Variants in CACNA2D3 observed in about 807,000 individuals in gnomAD.
CACNA2D3 encodes the protein calcium voltage-gated channel auxiliary subunit alpha2delta 3.
In CACNA2D3, 60 loss-of-function variants were observed where a neutral mutation model predicts 160.6. The observed-to-expected ratio is 0.37, with a 90% CI of 0.30 to 0.46. The LOEUF is 0.46. CACNA2D3 is among the 20% of genes least tolerant of loss of function. The pLI is 1.00. For synonymous variants in CACNA2D3, 558 were observed against 492.9 expected (o/e 1.13, Z -1.75); for missense variants, 1,205 against 1,365.0 (o/e 0.88, Z 1.85).
chr3:54,931,043 C>T lies in CACNA2D3; in HGVS notation c.2449+31175C>T, dbSNP rs540079202. Among the ~76,000 whole-genome samples the T allele has an allele frequency of 3.9e-5, 6 of 152,280 alleles. No homozygotes were observed. In the South Asian group the frequency reaches 1.2e-3, roughly 32 times the overall value. On this transcript the variant is annotated intron_variant, in intron 27 of 37. Transcript: ENST00000474759. ...CCCAGGAGGCAGAGGTTGTAGTGAG[C>T]CGAGATCGTGCCACTGTACTCCAGC...
intron 13 of CACNA2D3, among the ~76,000 whole-genome samples, chr3:54,812,921 C>G (rs1703356710): frequency 6.6e-6 from 1 of 152,226 alleles, no homozygotes; most frequent in Non-Finnish European, 1.5e-5. Flanking sequence ...TAAAACTGAT[C>G]AAGCATTTAG....
chr3:54,720,527 T>C (rs1347626802), intron 11 of CACNA2D3, among the ~76,000 whole-genome samples: 1 of 152,128 alleles, frequency 6.6e-6, no homozygotes, highest in Non-Finnish European at 1.5e-5. Context: ...ACGATGTGTT[T>C]TGGTTAATGA....
chr3:54,368,686 T>C (rs1263090070), intron 3 of CACNA2D3, among the ~76,000 whole-genome samples: 1 of 132,880 alleles, frequency 7.5e-6, no homozygotes, highest in Non-Finnish European at 1.6e-5. Flanking sequence ...TATTTGGGGG[T>C]AGGGTTCTTT....
intron 2 of CACNA2D3, among the ~76,000 whole-genome samples, chr3:54,154,950 T>A (rs1220450633): frequency 6.6e-6 from 1 of 152,200 alleles, no homozygotes; most frequent in Admixed American, 6.5e-5. Context: ...CTTAAAAAAA[T>A]TTCAATAAAA....
At chr3:54,550,566 G>C (rs1418506071) in intron 5 of CACNA2D3, among the ~76,000 whole-genome samples, 1 of 152,240 alleles carries the variant, frequency 6.6e-6, no homozygotes, top group Non-Finnish European at 1.5e-5. Flanking sequence ...CAGACGGGAA[G>C]AATGGCTTGA....
intron 10 of CACNA2D3, among the ~76,000 whole-genome samples, chr3:54,641,848 A>C (rs559257985): frequency 2.4e-4 from 36 of 152,322 alleles, no homozygotes; most frequent in African/African-American, 7.2e-4. Flanking sequence ...CATGGCCTGA[A>C]GTACTTTTTC....
At chr3:54,427,125 TTGAG>T (rs1481910657) in intron 4 of CACNA2D3, among the ~76,000 whole-genome samples, 10 of 152,178 alleles carry the variant, frequency 6.6e-5, no homozygotes, top group African/African-American at 2.4e-4. Context: ...GACTGTTTAC[TTGAG>T]TATGTTTACT....
At chr3:54,706,680 C>T (rs1700862581) in intron 11 of CACNA2D3, among the ~76,000 whole-genome samples, 1 of 152,116 alleles carries the variant, frequency 6.6e-6, no homozygotes, top group Admixed American at 6.5e-5. Flanking sequence ...TTGCCAAGGC[C>T]ATTGTGAGAA....
chr3:54,754,665 A>G (rs933427631), intron 12 of CACNA2D3, among the ~76,000 whole-genome samples: 1 of 152,148 alleles, frequency 6.6e-6, no homozygotes, highest in Non-Finnish European at 1.5e-5. Context: ...GTACTAATAA[A>G]GGAAGGTAGG....
intron 14 of CACNA2D3, among the ~76,000 whole-genome samples, chr3:54,830,176 C>T (rs965426850): frequency 6.6e-5 from 10 of 151,996 alleles, no homozygotes; most frequent in African/African-American, 1.2e-4. Flanking sequence ...AACTCCTGAC[C>T]TCATGATCCA....
intron 2 of CACNA2D3, among the ~76,000 whole-genome samples, chr3:54,190,735 A>G (rs149034662): frequency 1.4e-3 from 206 of 152,292 alleles, no homozygotes; most frequent in Non-Finnish European, 1.9e-3. Context: ...TATAAGTAAA[A>G]TACTCCAGAT....
At chr3:54,565,536 G>A (rs1702396083) in intron 6 of CACNA2D3, among the ~76,000 whole-genome samples, 1 of 152,204 alleles carries the variant, frequency 6.6e-6, no homozygotes, top group South Asian at 2.1e-4. Flanking sequence ...TTATGAGATG[G>A]TGGAAATGTT....
At chr3:54,525,831 G>A (rs955313707) in intron 5 of CACNA2D3, among the ~76,000 whole-genome samples, 20 of 150,438 alleles carry the variant, frequency 1.3e-4, no homozygotes, top group Admixed American at 4.6e-4. Context: ...GCGTTTATAT[G>A]AATTGGAGTT....
intron 13 of CACNA2D3, among the ~76,000 whole-genome samples, chr3:54,796,998 C>A (rs1020063141): frequency 7.2e-5 from 11 of 152,240 alleles, no homozygotes; most frequent in African/African-American, 2.6e-4. Flanking sequence ...GAATTATACC[C>A]CTAAGCCACT....
intron 35 of CACNA2D3, among the ~76,000 whole-genome samples, chr3:55,071,213 T>G (rs1307860270): frequency 6.6e-6 from 1 of 152,146 alleles, no homozygotes; most frequent in Non-Finnish European, 1.5e-5. Flanking sequence ...TATTTTCCCC[T>G]TCTCCTGTGT....
chr3:55,065,626 C>T (rs1202538343), intron 35 of CACNA2D3, among the ~76,000 whole-genome samples: 1 of 151,478 alleles, frequency 6.6e-6, no homozygotes, highest in African/African-American at 2.4e-5. Context: ...ACGATTGCAC[C>T]ACTGCACTCC....
At chr3:54,686,571 A>G (rs1033392246) in intron 11 of CACNA2D3, among the ~76,000 whole-genome samples, 1 of 152,228 alleles carries the variant, frequency 6.6e-6, no homozygotes, top group Non-Finnish European at 1.5e-5. Flanking sequence ...GGCTTAGTAC[A>G]TGGCTATGTT....
chr3:54,991,490 TAGGATTAC>T (rs1702743343), intron 31 of CACNA2D3, among the ~76,000 whole-genome samples: 1 of 152,166 alleles, frequency 6.6e-6, no homozygotes, highest in African/African-American at 2.4e-5. Flanking sequence ...CCCAAAGTGC[TAGGATTAC>T]AGGTGTGAGT....
rs183825332 is a variant in CACNA2D3, at chr3:55,065,606, G to A, written c.2988-7839G>A. Among the ~76,000 whole-genome samples the A allele has an allele frequency of 7.6e-4, 115 of 152,042 alleles. No individual in the cohort carries two copies. In the East Asian group the frequency reaches 0.015, roughly 20 times the overall value. ...TGCTTGAGCCCAGGAATTCAAGGCT[G>A]CAGTGAGCTACGATTGCACCACTGC... is the stretch of plus-strand genomic sequence containing the variant. On this transcript the variant is annotated intron_variant, in intron 35 of 37. Coordinates refer to ENST00000474759, the MANE Select transcript of CACNA2D3 (RefSeq NM_018398.3).
Sources: allele counts gnomAD v4.1 joint callset (sites outside exome capture counted in the v4.1 genomes callset), GRCh38; gene constraint gnomAD v4.1.1; transcripts MANE v1.5; gene names NCBI Gene and HGNC (gene_info 2026-07-23, HGNC 2026-07-21).